The following NDNF variants were observed in gnomAD, a reference collection of about 807,000 sequenced individuals.
NDNF encodes the protein neuron derived neurotrophic factor.
In NDNF, 16 loss-of-function variants were observed where a neutral mutation model predicts 42.0. That is an observed-to-expected ratio of 0.38 (90% CI 0.26 to 0.58). The LOEUF (loss-of-function observed/expected upper bound fraction) is 0.58. Among genes scored for constraint, NDNF ranks in the 20% least tolerant of loss-of-function variants. The pLI, the probability that NDNF is intolerant of heterozygous loss-of-function variation, is 0.67. For missense variants in NDNF, 616 were observed against 666.2 expected, an observed-to-expected ratio of 0.92 and a Z score of 0.83; for synonymous variants, 248 against 251.7, an observed-to-expected ratio of 0.99 and a Z score of 0.14.
chr4:121,041,024 A>T (rs1431134943), intron 2 of NDNF, among the ~76,000 whole-genome samples: 1 of 152,238 alleles, frequency 6.6e-6, no homozygotes, highest in South Asian at 2.1e-4. Flanking sequence ...TGTGTCAGTC[A>T]GTAGAAAGAC....
At chr4:121,044,114 C>T (rs17051283) in intron 2 of NDNF, among the ~76,000 whole-genome samples, 6,123 of 152,228 alleles carry the variant, frequency 0.04, 145 homozygotes, top group East Asian at 0.084. Context: ...TTTACTCGAG[C>T]AGTGCCAAAA....
Position 121,046,765 on chromosome 4 carries a change from T to C in NDNF, c.-1-927A>G, listed in dbSNP as rs191704912. Among the ~76,000 whole-genome samples, 397 of 152,340 alleles carry C rather than the reference T, an allele frequency of 2.6e-3. 1 individual carries two copies. The highest frequency in any genetic ancestry group is 9.0e-3 in the African/African-American group (375 of 41,584). ...TCCTCTAAGTAATGATGGATCATTCTCTACTGCACATTGCTGTAGGGGTGT... is the reference window on the plus strand; with the variant it reads ...TCCTCTAAGTAATGATGGATCATTCCCTACTGCACATTGCTGTAGGGGTGT... On this transcript the variant is annotated intron_variant, in intron 1 of 3. Coordinates refer to ENST00000379692, the MANE Select transcript of NDNF (RefSeq NM_024574.4).
intron 3 of NDNF, 131 bp downstream of exon 3, chr4:121,039,799 C>A: frequency 2.0e-6 from 2 of 1,012,018 alleles, no homozygotes; most frequent in East Asian, 2.7e-5. Context: ...CCCTTATCTC[C>A]GTCTCATACC....
At position 121,036,802 on chromosome 4, in the gene NDNF, C is replaced by T. The variant is rs760832661; in HGVS notation, c.1169G>A (p.Arg390Lys). 1.9e-6 allele frequency: 3 copies of T among 1,614,184 alleles called. No homozygotes were observed. Among genetic ancestry groups the T allele is most frequent in the African/African-American group, 2.7e-5 (2 of 75,052 alleles). The change falls in exon 4 of 4, where the codon AGA becomes AAA. Residue 390 changes from arginine (R) to lysine (K), a missense_variant. By Grantham distance (26) the Arg-to-Lys change is conservative (BLOSUM62 2). Coordinates refer to ENST00000379692, the MANE Select transcript of NDNF (RefSeq NM_024574.4). ...SCLDAVQIQV[R>K]RDGKLLLSQN... is the part of the protein sequence containing the mutation. ...AGACAGAAGAAGTTTCCCATCTCTTCTCACTTGGATTTGGACAGCATCCAG... is the reference window on the plus strand; with the variant it reads ...AGACAGAAGAAGTTTCCCATCTCTTTTCACTTGGATTTGGACAGCATCCAG...
intron 1 of NDNF, among the ~76,000 whole-genome samples, chr4:121,065,000 A>T (rs1727475862): frequency 6.6e-6 from 1 of 152,028 alleles, no homozygotes; most frequent in African/African-American, 2.4e-5. Context: ...CACAAGGGAG[A>T]TCATTGTGTA....
At chr4:121,050,254 A>C (rs1727171577) in intron 1 of NDNF, among the ~76,000 whole-genome samples, 1 of 152,240 alleles carries the variant, frequency 6.6e-6, no homozygotes, top group Admixed American at 6.5e-5. Context: ...AGAATAAACA[A>C]ATGAAAATTC....
intron 2 of NDNF, among the ~76,000 whole-genome samples, chr4:121,044,232 T>C (rs1727051675): frequency 6.6e-6 from 1 of 152,104 alleles, no homozygotes; most frequent in African/African-American, 2.4e-5. Flanking sequence ...GTGGAAGGGG[T>C]TCAGACCACC....
intron 2 of NDNF, 107 bp from the exon 3 acceptor site, chr4:121,040,161 T>C (rs1726973537): frequency 1.8e-6 from 2 of 1,092,288 alleles, no homozygotes; most frequent in African/African-American, 1.6e-5. Flanking sequence ...ATTTTATAAA[T>C]TTTATAAAAT....
At chr4:121,052,479 A>G (rs987816920) in intron 1 of NDNF, among the ~76,000 whole-genome samples, 2 of 152,146 alleles carry the variant, frequency 1.3e-5, no homozygotes, top group Non-Finnish European at 1.5e-5. Context: ...GATTTCTGTT[A>G]TTTTCTTTTC....
chr4:121,039,190 GTGTATATATA>G (rs1232987805), intron 3 of NDNF, among the ~76,000 whole-genome samples: 779 of 67,850 alleles, frequency 0.011, 21 homozygotes, highest in East Asian at 0.039. Context: ...GTGTGTGTGT[GTGTATATATA>G]TATATATATA....
chr4:121,059,132 T>C (rs933951217), intron 1 of NDNF, among the ~76,000 whole-genome samples: 3 of 152,242 alleles, frequency 2.0e-5, no homozygotes, highest in Admixed American at 6.5e-5. Flanking sequence ...CAGAAAAATT[T>C]GGCTGTGCAC....
At chr4:121,050,051 A>G (rs1436388364) in intron 1 of NDNF, among the ~76,000 whole-genome samples, 2 of 152,212 alleles carry the variant, frequency 1.3e-5, no homozygotes, top group East Asian at 1.9e-4. Flanking sequence ...TGTATTTACA[A>G]GGAGCATTGA....
intron 1 of NDNF, among the ~76,000 whole-genome samples, chr4:121,047,780 G>C (rs1001153774): frequency 2.0e-5 from 3 of 152,198 alleles, no homozygotes; most frequent in Non-Finnish European, 2.9e-5. Flanking sequence ...AAAGCTGGCA[G>C]TTTAAGAATA....
Position 121,045,794 on chromosome 4 carries a change from A to G in NDNF, c.44T>C (p.Leu15Pro). 1 of 1,614,138 alleles carries G rather than the reference A, an allele frequency of 6.2e-7. No individual in the cohort carries two copies. The highest frequency in any genetic ancestry group is 1.1e-5 in the South Asian group (1 of 91,080). Residue 15 changes from leucine to proline, a missense_variant, in exon 2 of 4, where the codon CTC becomes CCC. Coordinates refer to ENST00000379692, the MANE Select transcript of NDNF (RefSeq NM_024574.4). ...HWCLLWLLFP[L>P]SSRTQKLPTR... ...GGGTAACTTCTGGGTCCTTGAGCTG[A>G]GTGGAAACAGGAGCCACAGCAGGCA...
intron 3 of NDNF, among the ~76,000 whole-genome samples, chr4:121,039,188 G>GTATATATA (rs1726945307): frequency 3.0e-5 from 2 of 66,610 alleles, no homozygotes; most frequent in African/African-American, 7.6e-5. Context: ...ATGTGTGTGT[G>GTATATATA]TGTGTATATA....
chr4:121,045,642 G>A lies in NDNF; in HGVS notation c.188+8C>T, dbSNP rs777035128. 104 of 1,609,582 alleles carry A rather than the reference G, an allele frequency of 6.5e-5. No homozygotes were observed. The highest frequency in any genetic ancestry group is 8.7e-5 in the Non-Finnish European group (102 of 1,176,188). On this transcript the variant is annotated splice_region_variant and intron_variant, in intron 2 of 3. Coordinates refer to ENST00000379692, the MANE Select transcript of NDNF (RefSeq NM_024574.4). ...TTTTTAATAAAGAAAATACTGCAGGGAGAATACCTCTTAGGTGTATCTCTA... is the reference window on the plus strand; with the variant it reads ...TTTTTAATAAAGAAAATACTGCAGGAAGAATACCTCTTAGGTGTATCTCTA...
chr4:121,068,221 G>T, intron 1 of NDNF, among the ~76,000 whole-genome samples: 1 of 152,062 alleles, frequency 6.6e-6, no homozygotes, highest in African/African-American at 2.4e-5. Context: ...AAGCTTGACT[G>T]CATGCATGCT....
Position 121,035,750 on chromosome 4 carries a change from A to G in NDNF, c.*514T>C, listed in dbSNP as rs1046682342. 2.6e-5 allele frequency: 4 copies of G among 152,714 alleles called. No individual in the cohort carries two copies. The highest frequency in any genetic ancestry group is 4.8e-5 in the African/African-American group (2 of 41,476). 9.5% of individuals were successfully genotyped at this position (152,714 alleles called of 1,614,324 possible). ...ACAAACAAGAATTTACAATAGCAAT[A>G]TAACTGACTAGAGGGCTATCAACTT... On this transcript the variant is annotated 3_prime_UTR_variant, in exon 4 of 4. Transcript: ENST00000379692.
At chr4:121,056,761 T>A (rs1414940591) in intron 1 of NDNF, among the ~76,000 whole-genome samples, 1 of 152,258 alleles carries the variant, frequency 6.6e-6, no homozygotes, top group Non-Finnish European at 1.5e-5. Flanking sequence ...AGTTCAAAGA[T>A]GTTTCTGTTC....
Sources: allele counts gnomAD v4.1 joint callset (sites outside exome capture counted in the v4.1 genomes callset), GRCh38; gene constraint gnomAD v4.1.1; transcripts MANE v1.5; gene names NCBI Gene and HGNC (gene_info 2026-07-23, HGNC 2026-07-21).